Variants in MTOR observed in about 807,000 individuals in gnomAD.
MTOR encodes the protein mechanistic target of rapamycin kinase.
In MTOR, 70 loss-of-function variants were observed where a neutral mutation model predicts 319.8. That is an observed-to-expected ratio of 0.22 (90% confidence interval 0.18 to 0.27). The LOEUF (loss-of-function observed/expected upper bound fraction) is 0.27. Ranked by LOEUF, MTOR falls within the 10% of genes least tolerant of loss-of-function variation. MTOR has a pLI of 1.00. For synonymous variants in MTOR, 1,183 were observed against 1,211.4 expected (o/e 0.98, Z 0.49); for missense variants, 1,890 against 3,274.4 (o/e 0.58, Z 10.32).
intron 30 of MTOR, among the ~76,000 whole-genome samples, chr1:11,154,093 A>G (rs1381255514): frequency 6.9e-6 from 1 of 145,824 alleles, no homozygotes; most frequent in African/African-American, 2.5e-5. Context: ...AAAAAAAAAA[A>G]AAAAAAAAAA....
In MTOR at chr1:11,115,477, AACAGAAG is replaced by A; in HGVS notation, c.7017-16_7017-10del. On this transcript the variant is annotated splice_polypyrimidine_tract_variant and intron_variant, in intron 50 of 57. Coordinates refer to ENST00000361445, the MANE Select transcript of MTOR (RefSeq NM_004958.4). This position sits in a 1 kb window ranked among gnomAD's most constrained non-coding sequence, Gnocchi z 4.5. The stretch of plus-strand genomic sequence containing the variant: ...TCAGGTTGGATGGGTGTCTTTGAGA[AACAGAAG>A]ACAGATCAGGGAGGGATCAACAGAG... The A allele has an allele frequency of 6.2e-7, 1 of 1,612,682 alleles. No individual in the cohort carries two copies. Among genetic ancestry groups the A allele is most frequent in the Non-Finnish European group, 8.5e-7 (1 of 1,178,690 alleles).
chr1:11,242,989 T>C, intron 9 of MTOR, 125 bp downstream of exon 9: 2 of 899,326 alleles, frequency 2.2e-6, no homozygotes. Context: ...GTTCTTCATA[T>C]GATTTGCTAT....
chr1:11,209,290 T>C (rs1384589653), intron 25 of MTOR, 22 bp downstream of exon 25: 1 of 1,614,048 alleles, frequency 6.2e-7, no homozygotes, highest in South Asian at 1.1e-5. Flanking sequence ...CCTTTCCCAG[T>C]CACCTGAAAC....
At chr1:11,204,780 T>C (rs1557840800) in intron 25 of MTOR, 77 bp from the exon 26 acceptor site, 2 of 1,437,188 alleles carry the variant, frequency 1.4e-6, no homozygotes, top group African/African-American at 2.9e-5. Context: ...TATTTAATGA[T>C]TATTCTACTT....
chr1:11,177,863 A>T (rs1645036807), intron 28 of MTOR, among the ~76,000 whole-genome samples: 1 of 152,176 alleles, frequency 6.6e-6, no homozygotes, highest in Admixed American at 6.5e-5. Flanking sequence ...AAAAAAATGG[A>T]GGAGGGAAGT....
At chr1:11,134,860 G>T (rs922392014) in intron 36 of MTOR, among the ~76,000 whole-genome samples, 1 of 152,154 alleles carries the variant, frequency 6.6e-6, no homozygotes, top group Non-Finnish European at 1.5e-5. Context: ...TAAAACTTTG[G>T]TATTTGTTTA....
rs762795847 is a variant in MTOR at position 11,109,717 on chromosome 1, C to T, written c.7379G>A (p.Gly2460Asp). The change falls in exon 55 of 58, where the codon GGT becomes GAT. Residue 2460 changes from glycine (G) to aspartate (D), a missense_variant. By Grantham distance (94) the Gly-to-Asp change is moderately conservative (BLOSUM62 -1). This residue lies in a region of MTOR where 49 missense variants were observed against 67.6 expected (regional missense o/e 0.72). Coordinates refer to ENST00000361445, the MANE Select transcript of MTOR (RefSeq NM_004958.4). The surrounding 1 kb of genome is among the most constrained non-coding windows in gnomAD (Gnocchi z 4.0). ...ATGGGCTGGCTCTCCAAGTTCCACA[C>T]CGTCCAAAATTTCTATGGGAAAAGA... ...SAGQSVEILDGVELGEPAHKK... is the reference protein window; with the variant it reads ...SAGQSVEILDDVELGEPAHKK... 2 of 1,613,984 alleles carry T rather than the reference C, an allele frequency of 1.2e-6. No homozygotes were observed. Among genetic ancestry groups the T allele is most frequent in the East Asian group, 2.2e-5 (1 of 44,894 alleles).
intron 34 of MTOR, 83 bp from the exon 35 acceptor site, chr1:11,139,741 G>C: frequency 6.4e-7 from 1 of 1,555,816 alleles, no homozygotes; most frequent in African/African-American, 1.4e-5. Flanking sequence ...GCCCAGGCTG[G>C]AGTGCAGTGG....
intron 19 of MTOR, among the ~76,000 whole-genome samples, chr1:11,216,735 A>G (rs1311206680): frequency 6.6e-6 from 1 of 152,038 alleles, no homozygotes; most frequent in Non-Finnish European, 1.5e-5. Flanking sequence ...TTTTACACAC[A>G]AGGCGAGCCA....
chr1:11,262,033 TCA>T (rs1286773630), intron 1 of MTOR, among the ~76,000 whole-genome samples: 2 of 152,084 alleles, frequency 1.3e-5, no homozygotes, highest in Non-Finnish European at 2.9e-5. Context: ...GTAACCAAGC[TCA>T]GTTTCGGGGA....
At chr1:11,243,056 G>C in intron 9 of MTOR, 58 bp downstream of exon 9, 2 of 1,590,358 alleles carry the variant, frequency 1.3e-6, no homozygotes, top group Non-Finnish European at 1.7e-6. Context: ...CTGAAATAGA[G>C]CGTCCTTCCT....
At chr1:11,113,530 T>C (rs1282956110) in intron 53 of MTOR, among the ~76,000 whole-genome samples, 7 of 152,240 alleles carry the variant, frequency 4.6e-5, no homozygotes, top group Non-Finnish European at 8.8e-5. Flanking sequence ...ATATTGCTAA[T>C]TTGGGAGGCT....
intron 54 of MTOR, among the ~76,000 whole-genome samples, chr1:11,112,379 C>G (rs1426030707): frequency 6.6e-6 from 1 of 152,162 alleles, no homozygotes; most frequent in African/African-American, 2.4e-5. Context: ...ATAAAAATCT[C>G]AGAGCTTCAG....
intron 5 of MTOR, 73 bp from the exon 6 acceptor site, chr1:11,254,046 T>C: frequency 6.3e-7 from 1 of 1,587,882 alleles, no homozygotes; most frequent in South Asian, 1.1e-5. Context: ...CCATCCCATC[T>C]ACACTGGGGG....
Position 11,109,654 on chromosome 1 carries a change from G to C in MTOR, c.7442C>G (p.Ser2481Cys). ...TGTTVPESIH[S>C]FIGDGLVKPE... ...TCCTCAGAGGCTGAACTTACTGAAA[G>C]AATGAATAGATTCTGGCACTGTGGT... Residue 2481 changes from serine to cysteine, a missense_variant, in exon 55 of 58, where the codon TCT (serine) becomes TGT (cysteine). By Grantham distance (112) the Ser-to-Cys change is moderately radical. This residue lies in a region of MTOR where 49 missense variants were observed against 67.6 expected (regional missense o/e 0.72). Coordinates refer to ENST00000361445, the MANE Select transcript of MTOR (RefSeq NM_004958.4). The surrounding 1 kb of genome is among the most constrained non-coding windows in gnomAD (Gnocchi z 4.0). 2 of 1,614,028 alleles carry C rather than the reference G, an allele frequency of 1.2e-6. No homozygotes were observed. Among genetic ancestry groups the C allele is most frequent in the African/African-American group, 2.7e-5 (2 of 75,044 alleles).
At chr1:11,250,553 T>C (rs2100952951) in intron 6 of MTOR, among the ~76,000 whole-genome samples, 1 of 152,286 alleles carries the variant, frequency 6.6e-6, no homozygotes, top group South Asian at 2.1e-4. Context: ...CCATCTGCCT[T>C]GGTCCTCTTC....
chr1:11,136,740 C>T (rs1557763048), intron 36 of MTOR, among the ~76,000 whole-genome samples: 1 of 150,906 alleles, frequency 6.6e-6, no homozygotes, highest in Non-Finnish European at 1.5e-5. Flanking sequence ...TGGGCTCAAG[C>T]AATCCTCCCA....
At position 11,212,411 on chromosome 1, in the gene MTOR, C is replaced by T. The variant is rs17036536; in HGVS notation, c.3462G>A (p.Arg1154=). The T allele has an allele frequency of 3.7e-6, 6 of 1,614,144 alleles. No individual in the cohort carries two copies. Among genetic ancestry groups the T allele is most frequent in the Non-Finnish European group, 4.2e-6 (5 of 1,180,022 alleles). Residue 1154 remains arginine (R), a synonymous_variant, in exon 23 of 58, where the codon CGG becomes CGA. Transcript: ENST00000361445. The surrounding 1 kb of genome is among the most constrained non-coding windows in gnomAD (Gnocchi z 4.1). ...GTGTTCGAACAATAGGGTGAATGAT[C>T]CGGGAGGCATAGTCAGTGAAATCCA... ...ESLDFTDYAS[R]IIHPIVRTLD...
chr1:11,117,193 C>T, intron 49 of MTOR, 107 bp from the exon 50 acceptor site: 1 of 892,190 alleles, frequency 1.1e-6, no homozygotes, highest in Non-Finnish European at 1.7e-6. Context: ...CCGAGTCTCG[C>T]TCTGTCGCCC....
Sources: gnomAD v4.1 joint callset for allele counts (sites outside exome capture counted in the v4.1 genomes callset) on GRCh38, gnomAD v4.1.1 for gene constraint, gnomAD v4.1.1 regional missense constraint, Gnocchi (gnomAD v3.1) non-coding constraint, MANE v1.5 for transcripts, NCBI Gene and HGNC (gene_info 2026-07-23, HGNC 2026-07-21) for gene names.